UHRF1: variants seen among roughly 807,000 people sequenced by gnomAD.
UHRF1 encodes E3 ubiquitin-protein ligase UHRF1.
In UHRF1, 9 loss-of-function variants were observed where a neutral mutation model predicts 96.5. That is an observed-to-expected ratio of 0.09 (90% confidence interval 0.06 to 0.16). The LOEUF (loss-of-function observed/expected upper bound fraction) is 0.16. Among genes scored for constraint, UHRF1 ranks in the 10% least tolerant of loss-of-function variants. The pLI is 1.00. For synonymous variants in UHRF1, 455 were observed against 469.9 expected, an observed-to-expected ratio of 0.97 and a Z score of 0.41; for missense variants, 626 against 1,131.1, an observed-to-expected ratio of 0.55 and a Z score of 6.40.
intron 2 of UHRF1, among the ~76,000 whole-genome samples, chr19:4,919,429 A>G (rs1044217296): frequency 2.0e-4 from 30 of 151,452 alleles, no homozygotes; most frequent in African/African-American, 7.3e-4. Flanking sequence ...CAGCCTCCCG[A>G]GTAGCTGGGA....
chr19:4,909,356 CCGTGGACAGAGGCGG>C (rs1391181403), upstream of UHRF1: 1 of 606,972 alleles, frequency 1.6e-6, no homozygotes, highest in East Asian at 3.3e-5. Context: ...GGCGGAGGCG[CCGTGGACAGAGGCGG>C]GGGCGCCCCC....
rs1346700022 is a variant in UHRF1, at chr19:4,950,619, C to A, written c.1526C>A (p.Ala509Asp). ...QKLTNTNRAL[A>D]LNCFAPINDQ... Reference sequence around the variant, plus strand: ...CCTGACTCTCCCTGCAGGGCGCTGGCTCTCAACTGCTTTGCTCCCATCAAT... The same window carrying A: ...CCTGACTCTCCCTGCAGGGCGCTGGATCTCAACTGCTTTGCTCCCATCAAT... Residue 509 changes from alanine to aspartate, a missense_variant, in exon 12 of 17, where the codon GCT becomes GAT. Physicochemically the swap from Ala to Asp is moderately radical, Grantham distance 126. Around this residue, in one of 11 missense-constraint regions of UHRF1, gnomAD observed 61 missense variants for 199.2 expected, o/e 0.31. Transcript: ENST00000650932. 6.2e-7 allele frequency: 1 copy of A among 1,611,538 alleles called. No homozygotes were observed. The highest frequency in any genetic ancestry group is 8.5e-7 in the Non-Finnish European group (1 of 1,179,556).
chr19:4,960,782 C>T lies in UHRF1; in HGVS notation c.2361C>T (p.Pro787=), dbSNP rs754801350. The T allele has an allele frequency of 2.5e-4, 389 of 1,567,898 alleles. No homozygotes were observed. Among genetic ancestry groups the T allele is most frequent in the Non-Finnish European group, 3.2e-4 (373 of 1,151,884 alleles). Residue 787 remains proline (P), a synonymous_variant, in exon 17 of 17, where the codon CCC becomes CCT. Coordinates refer to ENST00000650932, the MANE Select transcript of UHRF1 (RefSeq NM_001048201.3). ...PLQTVLNQLF[P]GYGNGR ...AGACCGTCCTCAACCAGCTCTTCCC[C>T]GGCTACGGCAATGGCCGGTGATCTC...
rs71170880 is a variant in UHRF1, at chr19:4,938,730, G to GTTTTTTTTTTTTTTTTT, written c.786-2783_786-2767dup. Reference sequence around the variant, plus strand: ...GGCATAAGAGTTTTGTTTTGGTCAGGTTTTTTTTTTTTTTTTTTTTTTTTT... The same window carrying GTTTTTTTTTTTTTTTTT: ...GGCATAAGAGTTTTGTTTTGGTCAGGTTTTTTTTTTTTTTTTTTTTTTTTTTTTTTTTTTTTTTTTTT... On this transcript the variant is annotated intron_variant, in intron 5 of 16. Coordinates refer to ENST00000650932, the MANE Select transcript of UHRF1 (RefSeq NM_001048201.3). Among the ~76,000 whole-genome samples, 84 of 61,582 alleles carry GTTTTTTTTTTTTTTTTT rather than the reference G, an allele frequency of 1.4e-3. 11 individuals are homozygous for GTTTTTTTTTTTTTTTTT. Among genetic ancestry groups the GTTTTTTTTTTTTTTTTT allele is most frequent in the South Asian group, 2.8e-3 (4 of 1,452 alleles). The allele number at this position is 61,582 out of a possible 152,430, so 40.4% of individuals were successfully genotyped here.
chr19:4,931,245 G>A (rs2033042088), intron 4 of UHRF1, among the ~76,000 whole-genome samples: 1 of 152,096 alleles, frequency 6.6e-6, no homozygotes, highest in South Asian at 2.1e-4. Flanking sequence ...GCCAAGTTCG[G>A]GGTCCACACA....
In UHRF1 at chr19:4,944,466, C is replaced by T. The variant is rs771748447; in HGVS notation, c.1305+16C>T. ...CCGAGTCCAGGTACCTGCAGCGTCCCGGGGCTCCAGGGGCCACGCGGGCTC... is the reference window on the plus strand; with the variant it reads ...CCGAGTCCAGGTACCTGCAGCGTCCTGGGGCTCCAGGGGCCACGCGGGCTC... On this transcript the variant is annotated intron_variant, in intron 9 of 16. Transcript: ENST00000650932. The T allele has an allele frequency of 3.2e-5, 52 of 1,613,492 alleles. No homozygotes were observed. Among genetic ancestry groups the T allele is most frequent in the South Asian group, 5.5e-5 (5 of 91,078 alleles).
At chr19:4,932,077 C>T (rs1482953171) in intron 4 of UHRF1, among the ~76,000 whole-genome samples, 1 of 151,734 alleles carries the variant, frequency 6.6e-6, no homozygotes, top group African/African-American at 2.4e-5. Flanking sequence ...TACAGGCATG[C>T]GCCACCACGC....
chr19:4,924,173 G>A (rs12460193), intron 2 of UHRF1, among the ~76,000 whole-genome samples: 38,788 of 151,602 alleles, frequency 0.26, 5,189 homozygotes, highest in Middle Eastern at 0.38. Flanking sequence ...TTTTTGAGAC[G>A]GAGTCTCGCT....
chr19:4,941,902 C>G lies in UHRF1; in HGVS notation c.1044C>G (p.Pro348=), dbSNP rs1273174698. Residue 348 remains proline, a synonymous_variant, in exon 7 of 17, where the codon CCC becomes CCG. Coordinates refer to ENST00000650932, the MANE Select transcript of UHRF1 (RefSeq NM_001048201.3). ...TCCACATCTACTGCCTGGACCCGCCCCTCAGCAGTGTTCCCAGCGAGGACG... is the reference window on the plus strand; with the variant it reads ...TCCACATCTACTGCCTGGACCCGCCGCTCAGCAGTGTTCCCAGCGAGGACG... ...MAFHIYCLDP[P]LSSVPSEDEW... The G allele has an allele frequency of 3.9e-6, 6 of 1,531,680 alleles. No homozygotes were observed. The highest frequency in any genetic ancestry group is 5.3e-6 in the Non-Finnish European group (6 of 1,138,678). 94.9% of individuals were successfully genotyped at this position (1,531,680 alleles called of 1,614,324 possible).
chr19:4,916,892 G>A (rs540524234), intron 2 of UHRF1, among the ~76,000 whole-genome samples: 6 of 152,258 alleles, frequency 3.9e-5, no homozygotes, highest in South Asian at 4.1e-4. Flanking sequence ...CCTCCTGATC[G>A]AGGCTTACAC....
chr19:4,956,682 G>A, intron 15 of UHRF1, 27 bp from the exon 16 acceptor site: 1 of 1,505,212 alleles, frequency 6.6e-7, no homozygotes, highest in Non-Finnish European at 9.2e-7. Context: ...CGGTGTCTTT[G>A]CCGGCCTCAC....
chr19:4,939,834 C>T (rs966869308), intron 5 of UHRF1, among the ~76,000 whole-genome samples: 2 of 152,232 alleles, frequency 1.3e-5, no homozygotes, highest in African/African-American at 2.4e-5. Context: ...ACCATCCTGG[C>T]AAACACGGTG....
chr19:4,936,835 A>AG (rs1002884134), intron 5 of UHRF1, among the ~76,000 whole-genome samples: 1 of 151,954 alleles, frequency 6.6e-6, no homozygotes, highest in African/African-American at 2.4e-5. Context: ...AGAAAAAAAA[A>AG]CAGGCTGTGT....
At chr19:4,952,133 C>T (rs1278587702) in intron 13 of UHRF1, among the ~76,000 whole-genome samples, 1 of 152,158 alleles carries the variant, frequency 6.6e-6, no homozygotes, top group Non-Finnish European at 1.5e-5. Flanking sequence ...TGCTCTGTCG[C>T]CCAGGCTGGA....
At chr19:4,911,612 G>A (rs1043263227) in intron 2 of UHRF1, among the ~76,000 whole-genome samples, 18 of 152,164 alleles carry the variant, frequency 1.2e-4, no homozygotes, top group African/African-American at 4.1e-4. Flanking sequence ...TGTGGTCCCC[G>A]AGGGGTCCAC....
chr19:4,957,342 T>C (rs1490445287), intron 16 of UHRF1, among the ~76,000 whole-genome samples: 1 of 136,894 alleles, frequency 7.3e-6, no homozygotes. Context: ...AGAGTCTCGC[T>C]CTGTTGCCCA....
intron 2 of UHRF1, among the ~76,000 whole-genome samples, chr19:4,926,393 A>T (rs1209764988): frequency 6.6e-6 from 1 of 152,236 alleles, no homozygotes; most frequent in Non-Finnish European, 1.5e-5. Context: ...CTAGCATGTC[A>T]GAGGCACTCA....
At chr19:4,924,242 C>A (rs1044124481) in intron 2 of UHRF1, among the ~76,000 whole-genome samples, 1 of 152,158 alleles carries the variant, frequency 6.6e-6, no homozygotes, top group Non-Finnish European at 1.5e-5. Context: ...CTCCGCCCCC[C>A]GGGTTCATGC....
At position 4,955,036 on chromosome 19, in the gene UHRF1, C is replaced by A. The variant is rs1287343531; in HGVS notation, c.2130+214C>A. On this transcript the variant is annotated intron_variant, in intron 15 of 16. Transcript: ENST00000650932. ...GCCCTGAAACTGTCACTCCCACCCCCTCCCAAGCCTTGGCACTCGCTCCCC... is the reference window on the plus strand; with the variant it reads ...GCCCTGAAACTGTCACTCCCACCCCATCCCAAGCCTTGGCACTCGCTCCCC... Among the ~76,000 whole-genome samples, 4 of 152,148 alleles carry A rather than the reference C, an allele frequency of 2.6e-5. No individual in the cohort carries two copies. In the East Asian group the frequency reaches 5.8e-4, roughly 22 times the overall value.
Sources: allele counts gnomAD v4.1 joint callset (sites outside exome capture counted in the v4.1 genomes callset), GRCh38; gene constraint gnomAD v4.1.1; regional missense constraint gnomAD v4.1.1; transcripts MANE v1.5; gene names NCBI Gene and HGNC (gene_info 2026-07-23, HGNC 2026-07-21).